SET: variants seen among roughly 807,000 people sequenced by gnomAD.
SET encodes SET nuclear proto-oncogene.
Under a neutral mutation model 39.0 loss-of-function variants are expected in SET, and 4 were observed. That is an observed-to-expected ratio of 0.10 (90% CI 0.05 to 0.23). The LOEUF (loss-of-function observed/expected upper bound fraction) is 0.23. Ranked by LOEUF, SET falls within the 10% of genes least tolerant of loss-of-function variation. The pLI, the probability that SET is intolerant of heterozygous loss-of-function variation, is 1.00. For missense variants in SET, 137 were observed against 329.7 expected, an observed-to-expected ratio of 0.42 and a Z score of 4.53; for synonymous variants, 114 against 115.9, an observed-to-expected ratio of 0.98 and a Z score of 0.11.
chr9:128,694,894 T>A lies in SET; in HGVS notation c.*230T>A, dbSNP rs1304231656. The A allele has an allele frequency of 2.5e-6, 1 of 405,168 alleles. No homozygotes were observed. The highest frequency in any genetic ancestry group is 4.3e-6 in the Non-Finnish European group (1 of 230,040). 25.1% of individuals were successfully genotyped at this position (405,168 alleles called of 1,614,324 possible). A position where few individuals can be genotyped will look rare whatever the true frequency, so the allele number is the denominator to read the frequency against. On this transcript the variant is annotated 3_prime_UTR_variant, in exon 8 of 8. Coordinates refer to ENST00000322030, the MANE Select transcript of SET (RefSeq NM_003011.4). ...TACCCCTTTCTGTTCGAAGTTCATT[T>A]TTATCCCTTCCTGTCTGAACAAAAA...
Position 128,689,325 on chromosome 9 carries a change from G to GCCGCCT in SET, c.-249_-244dup, listed in dbSNP as rs905441165. On this transcript the variant is annotated 5_prime_UTR_variant, in exon 1 of 8. Coordinates refer to ENST00000322030, the MANE Select transcript of SET (RefSeq NM_003011.4). Reference sequence around the variant, plus strand: ...TGAGGGAGCCGAGCCGCCCGCCGCCGCCGCCTCCGCCTCCCCTCCGCGAAC... The same window carrying GCCGCCT: ...TGAGGGAGCCGAGCCGCCCGCCGCCGCCGCCTCCGCCTCCGCCTCCCCTCCGCGAAC... 1.1e-4 allele frequency: 117 copies of GCCGCCT among 1,035,432 alleles called. No homozygotes were observed. The highest frequency in any genetic ancestry group is 1.1e-3 in the South Asian group (25 of 22,592). The allele number at this position is 1,035,432 out of a possible 1,614,324, so 64.1% of individuals were successfully genotyped here. A position where few individuals can be genotyped will look rare whatever the true frequency, so the allele number is the denominator to read the frequency against.
chr9:128,691,782 T>C, intron 2 of SET, 76 bp from the exon 3 acceptor site: 3 of 1,403,298 alleles, frequency 2.1e-6, no homozygotes, highest in Non-Finnish European at 2.9e-6. Context: ...AGTAAGTAAA[T>C]ACACTCTGTA....
Position 128,694,755 on chromosome 9 carries a change from TTTTC to T in SET, c.*92_*95del. On this transcript the variant is annotated 3_prime_UTR_variant, in exon 8 of 8. Coordinates refer to ENST00000322030, the MANE Select transcript of SET (RefSeq NM_003011.4). Reference sequence around the variant, plus strand: ...CAGTCTTTTTTTTTTTTTTTTTTTTTTTTCCCTCTTGTGCTCAGTCGCCCTGTTC... The same window carrying T: ...CAGTCTTTTTTTTTTTTTTTTTTTTTCCTCTTGTGCTCAGTCGCCCTGTTC... The T allele has an allele frequency of 1.4e-6, 1 of 720,642 alleles. No individual in the cohort carries two copies. The highest frequency in any genetic ancestry group is 2.2e-6 in the Non-Finnish European group (1 of 449,456). The allele number at this position is 720,642 out of a possible 1,614,324, so 44.6% of individuals were successfully genotyped here. A position where few individuals can be genotyped will look rare whatever the true frequency, so the allele number is the denominator to read the frequency against.
At chr9:128,689,218 C>T (rs1292966829), upstream of SET, 4 of 993,728 alleles carry the variant, frequency 4.0e-6, no homozygotes, top group East Asian at 3.6e-4. Flanking sequence ...CGCCCTGCGC[C>T]CGCCCCTCGC....
At chr9:128,693,503 G>A (rs117870739) in intron 5 of SET, 135 bp from the exon 6 acceptor site, 3 of 918,078 alleles carry the variant, frequency 3.3e-6, no homozygotes, top group Non-Finnish European at 4.8e-6. Flanking sequence ...ATTGCTCTTA[G>A]GTAATAATGG....
upstream of SET, among the ~76,000 whole-genome samples, chr9:128,688,810 C>A (rs1861376571): frequency 6.6e-6 from 1 of 152,168 alleles, no homozygotes. Context: ...AAGTGGAAGG[C>A]GCCGAGAGGC....
At chr9:128,685,842 G>T (rs1010678088), upstream of SET, among the ~76,000 whole-genome samples, 2 of 152,128 alleles carry the variant, frequency 1.3e-5, no homozygotes, top group Admixed American at 1.3e-4. Context: ...GACCAGCCTG[G>T]CCAACATGGC....
intron 3 of SET, 196 bp from the exon 4 acceptor site, chr9:128,692,466 G>T: frequency 2.4e-6 from 1 of 423,090 alleles, no homozygotes. Context: ...TTTCTATTCT[G>T]TTTAGGAGAA....
chr9:128,689,938 TCCTCCCCCTCCCTC>T, intron 1 of SET: 1 of 112,728 alleles, frequency 8.9e-6, no homozygotes, highest in Non-Finnish European at 1.7e-5. Context: ...TCCCTCGCTC[TCCTCCCCCTCCCTC>T]CCTCCCGAGA....
In SET at chr9:128,689,478, G is replaced by T; in HGVS notation, c.-105G>T. 4.6e-6 allele frequency: 3 copies of T among 652,858 alleles called. No individual in the cohort carries two copies. The highest frequency in any genetic ancestry group is 4.8e-5 in the South Asian group (1 of 20,644). The allele number at this position is 652,858 out of a possible 1,614,324, so 40.4% of individuals were successfully genotyped here. On this transcript the variant is annotated 5_prime_UTR_variant, in exon 1 of 8. Coordinates refer to ENST00000322030, the MANE Select transcript of SET (RefSeq NM_003011.4). ...AGCGCCGGGAGGAGGCGGCCGGACC[G>T]AGCGGGCGCCCGCGCGTGTGGCGTG...
At chr9:128,687,829 A>G (rs1258565610), upstream of SET, among the ~76,000 whole-genome samples, 1 of 152,108 alleles carries the variant, frequency 6.6e-6, no homozygotes, top group Non-Finnish European at 1.5e-5. Context: ...GGCCCAAGCG[A>G]TCCTCCTGCC....
intron 1 of SET, chr9:128,690,023 C>T: frequency 9.6e-7 from 1 of 1,044,696 alleles, no homozygotes; most frequent in Non-Finnish European, 1.2e-6. Context: ...GCCGCCGCCA[C>T]ATGGTGCGGC....
At chr9:128,690,655 G>T (rs147242098) in intron 1 of SET, 5 of 165,418 alleles carry the variant, frequency 3.0e-5, no homozygotes, top group Non-Finnish European at 6.5e-5. Flanking sequence ...ATGGTGCCCC[G>T]TGACTTTCCA....
intron 1 of SET, chr9:128,690,441 T>G (rs1330256553): frequency 6.6e-6 from 1 of 152,060 alleles, no homozygotes; most frequent in African/African-American, 2.4e-5. Context: ...TTGTAGGGGG[T>G]TTGTAGTCTT....
At chr9:128,684,434 C>G (rs1861221259), upstream of SET, among the ~76,000 whole-genome samples, 1 of 152,112 alleles carries the variant, frequency 6.6e-6, no homozygotes, top group African/African-American at 2.4e-5. Context: ...ACAACTCTGG[C>G]CTGAATCTCT....
Position 128,689,626 on chromosome 9 carries a change from C to A in SET, c.44C>A (p.Ser15Tyr), listed in dbSNP as rs1861426651. The change falls in exon 1 of 8, where the codon TCC becomes TAC. Residue 15 changes from serine (S) to tyrosine (Y), a missense_variant. Physicochemically the swap from Ser to Tyr is moderately radical, Grantham distance 144. Coordinates refer to ENST00000322030, the MANE Select transcript of SET (RefSeq NM_003011.4). Reference protein sequence around the residue: ...AAKVSKKELNSNHDGADETSE... With the variant: ...AAKVSKKELNYNHDGADETSE... ...AAAGTCAGTAAAAAGGAGCTCAACTCCAACCACGACGGGGCCGACGAGACC... is the reference window on the plus strand; with the variant it reads ...AAAGTCAGTAAAAAGGAGCTCAACTACAACCACGACGGGGCCGACGAGACC... 1.5e-6 allele frequency: 2 copies of A among 1,357,592 alleles called. No individual in the cohort carries two copies. Among genetic ancestry groups the A allele is most frequent in the East Asian group, 3.2e-5 (1 of 30,992 alleles). 84.1% of individuals were successfully genotyped at this position (1,357,592 alleles called of 1,614,324 possible).
At chr9:128,684,952 C>A, upstream of SET, 1 of 1,227,410 alleles carries the variant, frequency 8.1e-7, no homozygotes, top group Non-Finnish European at 1.1e-6. Flanking sequence ...AGAGAGTTGA[C>A]TGTTCTGGTG....
rs547975131 is a variant in SET, at chr9:128,694,122, A to T, written c.810+80A>T. The T allele has an allele frequency of 3.3e-5, 42 of 1,273,230 alleles. No homozygotes were observed. In the South Asian group the frequency reaches 6.7e-4, roughly 20 times the overall value. The allele number at this position is 1,273,230 out of a possible 1,614,324, so 78.9% of individuals were successfully genotyped here. On this transcript the variant is annotated intron_variant, in intron 7 of 7. Transcript: ENST00000322030. ...TTTTGGGGTGTATATATATATATAT[A>T]GTGTGGTAGAACTGACCAGAACTGA... is the stretch of plus-strand genomic sequence containing the variant.
rs534962083 is a variant in SET, at chr9:128,693,297, CTGT to C, written c.492+321_492+323del. On this transcript the variant is annotated intron_variant, in intron 5 of 7. Coordinates refer to ENST00000322030, the MANE Select transcript of SET (RefSeq NM_003011.4). ...GAGAACTGGACTAAATTTTTTGTTGCTGTTGTTTTCTGCAGTGGTGACTGAGCT... is the reference window on the plus strand; with the variant it reads ...GAGAACTGGACTAAATTTTTTGTTGCTGTTTTCTGCAGTGGTGACTGAGCT... 5.1e-3 allele frequency among the ~76,000 whole-genome samples: 777 copies of C among 152,208 alleles called. 5 individuals carry two copies. Among genetic ancestry groups the C allele is most frequent in the African/African-American group, 0.018 (749 of 41,544 alleles).
Sources: gnomAD v4.1 joint callset for allele counts (sites outside exome capture counted in the v4.1 genomes callset) on GRCh38, gnomAD v4.1.1 for gene constraint, MANE v1.5 for transcripts, NCBI Gene and HGNC (gene_info 2026-07-23, HGNC 2026-07-21) for gene names.